ARHGAP6: variants seen among roughly 807,000 people sequenced by gnomAD.
ARHGAP6 encodes rho GTPase-activating protein 6.
A neutral mutation model predicts 55.7 loss-of-function variants in ARHGAP6; 16 were observed. The ratio of observed to expected loss-of-function variants is 0.29; its 90% CI spans 0.19 to 0.44. The LOEUF is 0.44. Among genes scored for constraint, ARHGAP6 ranks in the 20% least tolerant of loss-of-function variants. ARHGAP6 has a pLI of 1.00. For missense variants in ARHGAP6, 698 were observed against 808.9 expected, an observed-to-expected ratio of 0.86 and a Z score of 1.66; for synonymous variants, 382 against 360.9, an observed-to-expected ratio of 1.06 and a Z score of -0.66.
At chrX:11,277,691 C>A (rs1333783285) in intron 1 of ARHGAP6, among the ~76,000 whole-genome samples, 1 of 96,775 alleles carries the variant, frequency 1.0e-5, no homozygotes, top group African/African-American at 3.9e-5. Flanking sequence ...TTAGAGGTTT[C>A]TAGTATTCTT....
At chrX:11,151,151 A>C (rs919688837) in intron 10 of ARHGAP6, among the ~76,000 whole-genome samples, 2 of 111,708 alleles carry the variant, frequency 1.8e-5, no homozygotes, top group African/African-American at 3.3e-5. Context: ...CACATCCTTA[A>C]ATCAAAGGGT....
chrX:11,432,584 AAC>A (rs983380773), intron 1 of ARHGAP6, among the ~76,000 whole-genome samples: 5 of 112,686 alleles, frequency 4.4e-5, no homozygotes, highest in Non-Finnish European at 9.4e-5. Context: ...AAACAGACTG[AAC>A]ACAGTTTATA....
At chrX:11,489,295 T>C (rs1259959651) in intron 1 of ARHGAP6, among the ~76,000 whole-genome samples, 1 of 111,273 alleles carries the variant, frequency 9.0e-6, no homozygotes, top group Non-Finnish European at 1.9e-5. Context: ...GATGGCTGAG[T>C]CAATTCAGGT....
At chrX:11,173,240 G>A (rs2147314206) in intron 8 of ARHGAP6, among the ~76,000 whole-genome samples, 1 of 112,100 alleles carries the variant, frequency 8.9e-6, no homozygotes, top group African/African-American at 3.2e-5. Context: ...TTTAAAACAG[G>A]GCTGAATGAG....
At chrX:11,374,991 C>G (rs895991874) in intron 1 of ARHGAP6, among the ~76,000 whole-genome samples, 1 of 112,152 alleles carries the variant, frequency 8.9e-6, no homozygotes, top group Non-Finnish European at 1.9e-5. Context: ...ACAGCATAAT[C>G]TCTTTAAAAG....
chrX:11,639,589 CA>C (rs986230515), intron 1 of ARHGAP6, among the ~76,000 whole-genome samples: 2 of 110,905 alleles, frequency 1.8e-5, no homozygotes, highest in Non-Finnish European at 3.8e-5. Context: ...ATATGTGCCA[CA>C]AAAAAATATG....
At chrX:11,588,811 T>G (rs12688386) in intron 1 of ARHGAP6, among the ~76,000 whole-genome samples, 2,575 of 111,415 alleles carry the variant, frequency 0.023, 146 homozygotes, top group East Asian at 0.19. Flanking sequence ...GGATTTCCTT[T>G]TGAGATGATG....
intron 1 of ARHGAP6, among the ~76,000 whole-genome samples, chrX:11,627,690 T>C (rs775412315): frequency 1.8e-5 from 2 of 112,009 alleles, no homozygotes; most frequent in South Asian, 7.4e-4. Context: ...GAGCATATTA[T>C]CTAATCTCTG....
intron 8 of ARHGAP6, among the ~76,000 whole-genome samples, chrX:11,174,606 T>TTC (rs1569241371): frequency 3.2e-5 from 3 of 95,131 alleles, no homozygotes; most frequent in Admixed American, 2.3e-4. Context: ...CTTTCTTTCT[T>TTC]TCTTTCTTTC....
chrX:11,333,120 G>A (rs749458938), intron 1 of ARHGAP6, among the ~76,000 whole-genome samples: 8 of 111,871 alleles, frequency 7.2e-5, no homozygotes, highest in Non-Finnish European at 1.5e-4. Flanking sequence ...AGGCTATGGC[G>A]TCATTAGAAA....
chrX:11,528,229 T>C (rs900967331), intron 1 of ARHGAP6, among the ~76,000 whole-genome samples: 7 of 112,326 alleles, frequency 6.2e-5, no homozygotes, highest in Admixed American at 2.8e-4. Flanking sequence ...CAAAGTCTTA[T>C]TAAATTCAAC....
chrX:11,376,304 A>C (rs1416858064), intron 1 of ARHGAP6, among the ~76,000 whole-genome samples: 1 of 112,746 alleles, frequency 8.9e-6, no homozygotes, highest in Non-Finnish European at 1.9e-5. Context: ...AGAAGGAGAA[A>C]TTATCCTGGA....
At chrX:11,530,942 A>G (rs969717690) in intron 1 of ARHGAP6, among the ~76,000 whole-genome samples, 1 of 111,737 alleles carries the variant, frequency 8.9e-6, no homozygotes, top group Non-Finnish European at 1.9e-5. Context: ...GCATAATCAT[A>G]CTATTTTTCT....
chrX:11,185,144 G>C (rs1249550436), intron 5 of ARHGAP6, among the ~76,000 whole-genome samples: 3 of 59,341 alleles, frequency 5.1e-5, no homozygotes, highest in African/African-American at 9.5e-5. Flanking sequence ...GTGCATGACT[G>C]TGTGTGTGTG....
intron 1 of ARHGAP6, among the ~76,000 whole-genome samples, chrX:11,275,894 C>T: frequency 9.0e-6 from 1 of 111,660 alleles, no homozygotes; most frequent in Non-Finnish European, 1.9e-5. Flanking sequence ...GCCCTGTCGT[C>T]CCCCTACAGG....
chrX:11,403,965 C>A (rs1157826701), intron 1 of ARHGAP6, among the ~76,000 whole-genome samples: 1 of 112,114 alleles, frequency 8.9e-6, no homozygotes, highest in African/African-American at 3.2e-5. Flanking sequence ...TGTAATGTTT[C>A]AAAAAGACAC....
Position 11,156,741 on chromosome X carries a change from G to A in ARHGAP6, c.1810-115C>T, listed in dbSNP as rs2147287180. On this transcript the variant is annotated intron_variant, in intron 9 of 12. Transcript: ENST00000337414. ...GAGCCCTAAAAGCTGCAAGACAGCAGAATGATTTGCTGGTTAAAACCAAAC... is the reference window on the plus strand; with the variant it reads ...GAGCCCTAAAAGCTGCAAGACAGCAAAATGATTTGCTGGTTAAAACCAAAC... The A allele has an allele frequency of 5.4e-6, 3 of 553,331 alleles. No homozygotes were observed. The Admixed American group carries it at 1.1e-4, about 20-fold the overall frequency. The allele number at this position is 553,331 out of a possible 1,213,427, so 45.6% of individuals were successfully genotyped here.
chrX:11,410,775 G>A (rs1471805435), intron 1 of ARHGAP6, among the ~76,000 whole-genome samples: 1 of 110,865 alleles, frequency 9.0e-6, no homozygotes, highest in East Asian at 2.8e-4. Flanking sequence ...ACACATTTCC[G>A]GCTCTCGCAA....
chrX:11,433,766 A>G (rs1246593124), intron 1 of ARHGAP6, among the ~76,000 whole-genome samples: 1 of 112,583 alleles, frequency 8.9e-6, no homozygotes, highest in Admixed American at 9.4e-5. Context: ...AGGCTCAACT[A>G]GATGCTTTGC....
Sources: gnomAD v4.1 joint callset for allele counts (sites outside exome capture counted in the v4.1 genomes callset) on GRCh38, gnomAD v4.1.1 for gene constraint, MANE v1.5 for transcripts, NCBI Gene and HGNC (gene_info 2026-07-23, HGNC 2026-07-21) for gene names.